Variants in LCORL observed in about 807,000 individuals in gnomAD.
LCORL encodes ligand-dependent nuclear receptor corepressor-like protein.
A neutral mutation model predicts 141.8 loss-of-function variants in LCORL; 41 were observed. The observed-to-expected ratio is 0.29, with a 90% CI of 0.23 to 0.38. The LOEUF (loss-of-function observed/expected upper bound fraction) is 0.38, where lower values mean the gene tolerates loss of function less well. Among genes scored for constraint, LCORL ranks in the 10% least tolerant of loss-of-function variants. The pLI is 1.00. For synonymous variants in LCORL, 618 were observed against 694.1 expected (o/e 0.89, Z 1.72); for missense variants, 1,759 against 2,035.0 (o/e 0.86, Z 2.61).
intron 6 of LCORL, 74 bp from the exon 7 acceptor site, chr4:17,878,287 T>C (rs1291103271): frequency 9.4e-6 from 10 of 1,061,174 alleles, no homozygotes; most frequent in Non-Finnish European, 1.2e-5. Flanking sequence ...TTTAACAGTG[T>C]TTGAAAAAAG....
intron 5 of LCORL, among the ~76,000 whole-genome samples, chr4:17,903,044 A>C: frequency 6.6e-6 from 1 of 152,124 alleles, no homozygotes; most frequent in Non-Finnish European, 1.5e-5. Flanking sequence ...AAATGTTTAA[A>C]ATGGAAAATT....
intron 1 of LCORL, among the ~76,000 whole-genome samples, chr4:18,012,329 C>T (rs1250007252): frequency 1.3e-5 from 2 of 152,198 alleles, no homozygotes; most frequent in Non-Finnish European, 2.9e-5. Context: ...GCAGCTCCAG[C>T]TGTACTGTCT....
intron 1 of LCORL, among the ~76,000 whole-genome samples, chr4:18,001,906 C>T (rs941401201): frequency 2.0e-4 from 30 of 152,260 alleles, no homozygotes; most frequent in Admixed American, 5.9e-4. Flanking sequence ...AAATTATATA[C>T]ATATATGGAA....
chr4:17,883,765 T>A (rs909728282), intron 6 of LCORL: 1 of 1,545,952 alleles, frequency 6.5e-7, no homozygotes, highest in African/African-American at 1.4e-5. Context: ...TCCCTGAATC[T>A]GTCATATTAT....
rs77267846 is a variant in LCORL at position 18,002,930 on chromosome 4, A to T, written c.154+18668T>A. Among the ~76,000 whole-genome samples the T allele has an allele frequency of 1.5e-3, 232 of 152,356 alleles. 2 individuals are homozygous for T. The highest frequency in any genetic ancestry group is 5.4e-3 in the African/African-American group (223 of 41,584). On this transcript the variant is annotated intron_variant, in intron 1 of 7. Transcript: ENST00000635767. ...CACTAAACGGAATGTGGAAAGTGGCATCTCTATCAATCCCACTGCTTAAAA... is the reference window on the plus strand; with the variant it reads ...CACTAAACGGAATGTGGAAAGTGGCTTCTCTATCAATCCCACTGCTTAAAA...
rs941794397 is a variant in LCORL, at chr4:17,943,190, C to T, written c.430+18713G>A. ...AATCAAGAGCTCATATATTATTCTCCCTATTGTATCTCCACCGTATCCTAC... is the reference window on the plus strand; with the variant it reads ...AATCAAGAGCTCATATATTATTCTCTCTATTGTATCTCCACCGTATCCTAC... On this transcript the variant is annotated intron_variant, in intron 4 of 7. Coordinates refer to ENST00000635767, the Ensembl canonical transcript of LCORL. Among the ~76,000 whole-genome samples the T allele has an allele frequency of 3.9e-4, 59 of 152,070 alleles. 1 individual carries two copies. Among genetic ancestry groups the T allele is most frequent in the Non-Finnish European group, 8.8e-5 (6 of 68,026 alleles).
chr4:17,899,222 G>C (rs1310296993), intron 5 of LCORL, among the ~76,000 whole-genome samples: 2 of 149,764 alleles, frequency 1.3e-5, no homozygotes, highest in African/African-American at 5.1e-5. Flanking sequence ...GACTGCCACT[G>C]TCTTTTGATT....
At chr4:17,842,509 CT>C in exon 8 of LCORL, 1 of 728,850 alleles carries the variant, frequency 1.4e-6, no homozygotes, top group Non-Finnish European at 2.3e-6. Flanking sequence ...AAATAGCTGT[CT>C]TAGGTATATA....
exon 8 of LCORL, chr4:17,843,214 T>A: frequency 7.1e-7 from 1 of 1,408,068 alleles, no homozygotes; most frequent in East Asian, 2.3e-5. Context: ...ACTGATAGAA[T>A]GTGAGTCAGA....
At chr4:17,972,987 A>C in intron 1 of LCORL, 102 bp from the exon 2 acceptor site, 1 of 477,308 alleles carries the variant, frequency 2.1e-6, no homozygotes, top group Non-Finnish European at 3.5e-6. Context: ...AATTTAACAT[A>C]CCATAAATAT....
chr4:17,843,107 T>G (rs1262661199), exon 8 of LCORL: 2 of 484,448 alleles, frequency 4.1e-6, no homozygotes, highest in Non-Finnish European at 7.4e-6. Flanking sequence ...AGCTAGATTT[T>G]CCCTGATTCA....
chr4:17,934,879 A>G (rs1736607441), intron 4 of LCORL, among the ~76,000 whole-genome samples: 1 of 152,198 alleles, frequency 6.6e-6, no homozygotes. Flanking sequence ...ATTTTAAAAT[A>G]TATTTTATCC....
intron 1 of LCORL, among the ~76,000 whole-genome samples, chr4:17,994,389 T>C (rs1720554543): frequency 6.6e-6 from 1 of 152,128 alleles, no homozygotes; most frequent in Admixed American, 6.6e-5. Context: ...TGTGGATACT[T>C]CAGGTATTCA....
exon 7 of LCORL, chr4:17,877,965 C>G: frequency 2.4e-6 from 3 of 1,230,590 alleles, no homozygotes; most frequent in Non-Finnish European, 3.0e-6. Flanking sequence ...TTCTGCCAGC[C>G]TATATTCACA....
intron 4 of LCORL, among the ~76,000 whole-genome samples, chr4:17,929,022 T>C (rs945253677): frequency 6.6e-6 from 1 of 152,120 alleles, no homozygotes; most frequent in African/African-American, 2.4e-5. Flanking sequence ...AATTCCAAAA[T>C]GTAATTTTTA....
At chr4:17,861,069 TTCTGGGG>T (rs1409993041) in intron 7 of LCORL, among the ~76,000 whole-genome samples, 1 of 152,142 alleles carries the variant, frequency 6.6e-6, no homozygotes, top group Admixed American at 6.5e-5. Flanking sequence ...GGATCTACCA[TTCTGGGG>T]TCTGGAGGAC....
chr4:17,875,818 G>T, exon 7 of LCORL: 1 of 1,231,078 alleles, frequency 8.1e-7, no homozygotes, highest in Non-Finnish European at 1.0e-6. Flanking sequence ...TCTTCTTGTG[G>T]CTTATCACTA....
chr4:17,851,896 T>C (rs1339009722), intron 7 of LCORL, among the ~76,000 whole-genome samples: 1 of 152,220 alleles, frequency 6.6e-6, no homozygotes, highest in African/African-American at 2.4e-5. Context: ...ATTGTTTTAA[T>C]TTGCATTTCT....
chr4:17,906,743 G>A (rs926974661), intron 5 of LCORL, among the ~76,000 whole-genome samples: 2 of 147,784 alleles, frequency 1.4e-5, no homozygotes, highest in Non-Finnish European at 3.0e-5. Flanking sequence ...CTGGAATGCA[G>A]TGGCGCGATC....
Sources: gnomAD v4.1 joint callset for allele counts (sites outside exome capture counted in the v4.1 genomes callset) on GRCh38, gnomAD v4.1.1 for gene constraint, MANE v1.5 for transcripts, NCBI Gene and HGNC (gene_info 2026-07-23, HGNC 2026-07-21) for gene names.